CCDC195: variants seen among roughly 807,000 people sequenced by gnomAD.
CCDC195 encodes the protein coiled-coil domain-containing protein 195.
chr2:224,709,630 C>T lies in CCDC195; in HGVS notation c.482+343G>A, dbSNP rs532306021. Among the ~76,000 whole-genome samples the T allele has an allele frequency of 1.2e-4, 18 of 152,294 alleles. No homozygotes were observed. In the East Asian group the frequency reaches 3.5e-3, roughly 29 times the overall value. On this transcript the variant is annotated intron_variant, in intron 2 of 2. Transcript: ENST00000638102. Reference sequence around the variant, plus strand: ...GCACTTTATTGCAGTAGATAGTTTACTTGTGTGCCTTTGTCACTTAATGAG... The same window carrying T: ...GCACTTTATTGCAGTAGATAGTTTATTTGTGTGCCTTTGTCACTTAATGAG...
chr2:224,714,104 C>T (rs111622712), intron 1 of CCDC195, among the ~76,000 whole-genome samples: 6,443 of 152,170 alleles, frequency 0.042, 411 homozygotes, highest in African/African-American at 0.14. Flanking sequence ...CCTCCCAAAG[C>T]GCTGGGATTA....
intron 1 of CCDC195, among the ~76,000 whole-genome samples, chr2:224,715,622 C>T (rs900877649): frequency 5.3e-5 from 8 of 152,314 alleles, no homozygotes; most frequent in South Asian, 4.1e-4. Context: ...GAGATAGGTA[C>T]TATAACACTT....
chr2:224,707,010 A>G (rs1292286948), intron 2 of CCDC195, among the ~76,000 whole-genome samples: 1 of 151,732 alleles, frequency 6.6e-6, no homozygotes, highest in Non-Finnish European at 1.5e-5. Context: ...ATGATTGAGT[A>G]TTCATTTCTT....
At chr2:224,706,128 G>A (rs116241154) in intron 2 of CCDC195, among the ~76,000 whole-genome samples, 2,623 of 146,988 alleles carry the variant, frequency 0.018, 36 homozygotes, top group Non-Finnish European at 0.029. Context: ...CAGGTAGTGG[G>A]ATTATGAAGA....
intron 1 of CCDC195, among the ~76,000 whole-genome samples, chr2:224,712,976 C>T (rs1440597517): frequency 1.3e-5 from 2 of 152,104 alleles, no homozygotes; most frequent in East Asian, 3.9e-4. Context: ...TCAAGCGGTT[C>T]TCCTGCCTCA....
chr2:224,707,020 T>C (rs1411476527), intron 2 of CCDC195, among the ~76,000 whole-genome samples: 1 of 152,072 alleles, frequency 6.6e-6, no homozygotes, highest in Non-Finnish European at 1.5e-5. Context: ...ATTCATTTCT[T>C]GTTTCCATAT....
intron 2 of CCDC195, among the ~76,000 whole-genome samples, chr2:224,706,018 G>A (rs1697236122): frequency 6.6e-6 from 1 of 151,936 alleles, no homozygotes; most frequent in African/African-American, 2.4e-5. Flanking sequence ...TTGTATGTCT[G>A]TGAGAATGGT....
At chr2:224,705,956 G>A (rs1456073618) in intron 2 of CCDC195, among the ~76,000 whole-genome samples, 1 of 151,944 alleles carries the variant, frequency 6.6e-6, no homozygotes, top group Non-Finnish European at 1.5e-5. Context: ...TACTATCATA[G>A]AAAATAATAT....
chr2:224,704,595 T>TC (rs1253919078), intron 2 of CCDC195, among the ~76,000 whole-genome samples: 1 of 146,060 alleles, frequency 6.8e-6, no homozygotes, highest in African/African-American at 2.6e-5. Context: ...GCACCTTTTT[T>TC]TTTTCTTTTC....
intron 1 of CCDC195, among the ~76,000 whole-genome samples, chr2:224,715,869 G>A (rs1689377025): frequency 6.6e-6 from 1 of 152,190 alleles, no homozygotes; most frequent in African/African-American, 2.4e-5. Context: ...TGTTCCTAGT[G>A]TGACTGATTT....
chr2:224,709,345 A>G (rs1404432096), intron 2 of CCDC195, among the ~76,000 whole-genome samples: 1 of 152,092 alleles, frequency 6.6e-6, no homozygotes, highest in Non-Finnish European at 1.5e-5. Flanking sequence ...CCGCCTCGGC[A>G]TCCCAAAGTG....
At chr2:224,710,515 G>A (rs1689305420) in intron 1 of CCDC195, among the ~76,000 whole-genome samples, 1 of 152,180 alleles carries the variant, frequency 6.6e-6, no homozygotes, top group Non-Finnish European at 1.5e-5. Flanking sequence ...GCGGGCACCT[G>A]TAGTCCCAGC....
intron 1 of CCDC195, among the ~76,000 whole-genome samples, chr2:224,715,485 C>G (rs1689368378): frequency 6.6e-6 from 1 of 152,202 alleles, no homozygotes; most frequent in Non-Finnish European, 1.5e-5. Context: ...AGTATTCATT[C>G]ATACAGGACA....
chr2:224,712,993 C>T (rs1295805292), intron 1 of CCDC195, among the ~76,000 whole-genome samples: 5 of 152,052 alleles, frequency 3.3e-5, no homozygotes, highest in East Asian at 3.9e-4. Flanking sequence ...CTCAACCTCC[C>T]GAGTAGCTAG....
Position 224,706,189 on chromosome 2 carries a change from CTTTTTTTTTTTT to C in CCDC195, c.483-2314_483-2303del, listed in dbSNP as rs201012911. Among the ~76,000 whole-genome samples the C allele has an allele frequency of 2.8e-3, 93 of 33,352 alleles. 1 individual carries two copies. The highest frequency in any genetic ancestry group is 6.8e-3 in the African/African-American group (43 of 6,370). 21.9% of individuals were successfully genotyped at this position (33,352 alleles called of 152,430 possible). ...TGTATATTGCCTCTATATTTTGTAA[CTTTTTTTTTTTT>C]TTTTTTTTTTTTTTTTTTTTTTGAG... On this transcript the variant is annotated intron_variant, in intron 2 of 2. Transcript: ENST00000638102.
chr2:224,711,520 T>A (rs1169545673), intron 1 of CCDC195, among the ~76,000 whole-genome samples: 1 of 152,160 alleles, frequency 6.6e-6, no homozygotes, highest in Non-Finnish European at 1.5e-5. Context: ...TTATCCAACA[T>A]CTACTTGCAT....
chr2:224,706,213 TTTTTTTTTTTG>T (rs1697239330), intron 2 of CCDC195, among the ~76,000 whole-genome samples: 1 of 109,810 alleles, frequency 9.1e-6, no homozygotes, highest in Non-Finnish European at 1.8e-5. Flanking sequence ...TTTTTTTTTT[TTTTTTTTTTTG>T]AGACAGAGTC....
At chr2:224,712,781 G>A (rs1209595823) in intron 1 of CCDC195, among the ~76,000 whole-genome samples, 1 of 152,196 alleles carries the variant, frequency 6.6e-6, no homozygotes, top group Non-Finnish European at 1.5e-5. Flanking sequence ...AGTTGGGTAA[G>A]ATAATCTCTA....
intron 2 of CCDC195, among the ~76,000 whole-genome samples, chr2:224,707,819 C>T (rs2124848843): frequency 6.6e-6 from 1 of 152,310 alleles, no homozygotes; most frequent in Non-Finnish European, 1.5e-5. Context: ...AAACTAAACT[C>T]ATGATGACAT....
Sources: gnomAD v4.1 joint callset for allele counts (sites outside exome capture counted in the v4.1 genomes callset) on GRCh38, gnomAD v4.1.1 for gene constraint, MANE v1.5 for transcripts, NCBI Gene and HGNC (gene_info 2026-07-23, HGNC 2026-07-21) for gene names.